SAXO1: variants seen among roughly 807,000 people sequenced by gnomAD.
SAXO1 encodes 4930500O09Rik.
SAXO1 carries 21 observed loss-of-function variants against 17.5 expected under a neutral mutation model. The ratio of observed to expected loss-of-function variants is 1.20; its 90% confidence interval spans 0.85 to 1.72. The LOEUF (loss-of-function observed/expected upper bound fraction) is 1.72, where lower values mean the gene tolerates loss of function less well. SAXO1 is among the 40% of genes most tolerant of loss of function. The pLI, the probability that SAXO1 is intolerant of heterozygous loss-of-function variation, is 0.00. For synonymous variants in SAXO1, 274 were observed against 216.5 expected, an observed-to-expected ratio of 1.27 and a Z score of -2.33; for missense variants, 843 against 596.0, an observed-to-expected ratio of 1.41 and a Z score of -4.32.
intron 1 of SAXO1, among the ~76,000 whole-genome samples, chr9:18,982,501 C>G (rs1173115093): frequency 6.6e-6 from 1 of 152,188 alleles, no homozygotes; most frequent in East Asian, 1.9e-4. Flanking sequence ...GGGACAAGAG[C>G]TGCTGCCTCC....
chr9:19,023,648 T>C (rs1322054871), intron 1 of SAXO1, among the ~76,000 whole-genome samples: 1 of 152,024 alleles, frequency 6.6e-6, no homozygotes, highest in Admixed American at 6.6e-5. Flanking sequence ...TTAAGAAAAG[T>C]GACAAGAATG....
intron 3 of SAXO1, among the ~76,000 whole-genome samples, chr9:18,930,551 G>A (rs1229493566): frequency 6.6e-6 from 1 of 151,706 alleles, no homozygotes. Flanking sequence ...CCAGGCTGGA[G>A]TGCAATGGCA....
At chr9:18,984,455 G>A (rs1833516617) in intron 1 of SAXO1, among the ~76,000 whole-genome samples, 1 of 152,218 alleles carries the variant, frequency 6.6e-6, no homozygotes, top group South Asian at 2.1e-4. Context: ...GTTTAAAATA[G>A]CTGCCTTCAC....
At chr9:19,036,485 C>T (rs78198848), upstream of SAXO1, among the ~76,000 whole-genome samples, 9,640 of 152,088 alleles carry the variant, frequency 0.063, 354 homozygotes, top group African/African-American at 0.1. Context: ...GGACCAGGGT[C>T]CCCATGCTGT....
chr9:19,028,254 T>A, intron 1 of SAXO1: 1 of 696,580 alleles, frequency 1.4e-6, no homozygotes, highest in Non-Finnish European at 2.4e-6. Context: ...CGGGCGCCTG[T>A]AATCCCAGCT....
chr9:18,998,897 G>C (rs928088680), intron 1 of SAXO1, among the ~76,000 whole-genome samples: 9 of 152,188 alleles, frequency 5.9e-5, no homozygotes, highest in African/African-American at 2.2e-4. Context: ...TTTACAGAAA[G>C]CAAATGCTGA....
At chr9:18,983,627 A>T (rs765714978) in intron 1 of SAXO1, among the ~76,000 whole-genome samples, 67 of 152,354 alleles carry the variant, frequency 4.4e-4, no homozygotes, top group Admixed American at 1.3e-3. Flanking sequence ...AGAGTGCAGT[A>T]ATTTATGTCT....
chr9:18,976,949 C>T (rs1833177662), intron 1 of SAXO1, among the ~76,000 whole-genome samples: 1 of 152,198 alleles, frequency 6.6e-6, no homozygotes, highest in Non-Finnish European at 1.5e-5. Context: ...AAGCACTTAG[C>T]ACAATGCCTG....
intron 1 of SAXO1, among the ~76,000 whole-genome samples, chr9:18,995,923 A>G (rs1221299127): frequency 4.6e-5 from 7 of 151,866 alleles, no homozygotes; most frequent in Non-Finnish European, 1.0e-4. Context: ...TACCAAAAAT[A>G]CAACAACTAG....
chr9:19,036,545 C>G (rs560951906), upstream of SAXO1, among the ~76,000 whole-genome samples: 17 of 152,308 alleles, frequency 1.1e-4, no homozygotes, highest in African/African-American at 4.1e-4. Flanking sequence ...CCAGCCATGG[C>G]TGAAAGGGGC....
chr9:19,020,273 T>C (rs1835166602), intron 1 of SAXO1, among the ~76,000 whole-genome samples: 1 of 152,118 alleles, frequency 6.6e-6, no homozygotes, highest in Non-Finnish European at 1.5e-5. Context: ...TCATCCCAAA[T>C]GTAAAACTTC....
At chr9:19,008,991 T>C (rs1206778402) in intron 1 of SAXO1, among the ~76,000 whole-genome samples, 1 of 152,214 alleles carries the variant, frequency 6.6e-6, no homozygotes, top group African/African-American at 2.4e-5. Context: ...GTCAGTTTAG[T>C]CCAAATTCAT....
At chr9:19,039,960 C>G (rs1048681611) in intron 1 of SAXO1, among the ~76,000 whole-genome samples, 1 of 152,176 alleles carries the variant, frequency 6.6e-6, no homozygotes, top group Non-Finnish European at 1.5e-5. Context: ...AACTCCTCAC[C>G]TCAGGTGATC....
chr9:18,946,385 C>T (rs1030078305), intron 2 of SAXO1, among the ~76,000 whole-genome samples: 128 of 151,066 alleles, frequency 8.5e-4, no homozygotes, highest in African/African-American at 3.0e-3. Flanking sequence ...AGACAGGAAG[C>T]CCTAAATTCT....
Position 18,957,068 on chromosome 9 carries a change from G to C in SAXO1, c.39-6131C>G, listed in dbSNP as rs1245839708. ...TACCAAGTAATTCTCTTTTCTGGCT[G>C]CTCCGATAAACCTAAGGGCAGCAAT... On this transcript the variant is annotated intron_variant, in intron 1 of 3. Transcript: ENST00000380534. 3.9e-5 allele frequency among the ~76,000 whole-genome samples: 6 copies of C among 152,172 alleles called. No individual in the cohort carries two copies. In the East Asian group the frequency reaches 1.2e-3, roughly 29 times the overall value.
Position 19,000,082 on chromosome 9 carries a change from A to T in SAXO1, c.38+32789T>A, listed in dbSNP as rs1264281698. On this transcript the variant is annotated intron_variant, in intron 1 of 3. Coordinates refer to ENST00000380534, the MANE Select transcript of SAXO1 (RefSeq NM_153707.4). ...CATCTGGGAAGTGAGGAGTGCCTCT[A>T]CCCAGCCGCCCCACCATCTGGGAAG... Among the ~76,000 whole-genome samples the T allele has an allele frequency of 4.2e-5, 4 of 95,124 alleles. No homozygotes were observed. In the East Asian group the frequency reaches 1.6e-3, roughly 38 times the overall value. The allele number at this position is 95,124 out of a possible 152,430, so 62.4% of individuals were successfully genotyped here.
At position 19,032,976 on chromosome 9, in the gene SAXO1, A is replaced by C; in HGVS notation, c.-68T>G. 2 of 1,526,832 alleles carry C rather than the reference A, an allele frequency of 1.3e-6. No individual in the cohort carries two copies. Among genetic ancestry groups the C allele is most frequent in the Non-Finnish European group, 1.8e-6 (2 of 1,129,528 alleles). 94.6% of individuals were successfully genotyped at this position (1,526,832 alleles called of 1,614,324 possible). On this transcript the variant is annotated 5_prime_UTR_variant, in exon 1 of 4. Transcript: ENST00000380534. ...AGCTGCAGCCGACTCCTAGACCCCAACCACCTGTCTTGGGGCACGCCCAGG... is the reference window on the plus strand; with the variant it reads ...AGCTGCAGCCGACTCCTAGACCCCACCCACCTGTCTTGGGGCACGCCCAGG...
chr9:18,998,601 G>C (rs1370921879), intron 1 of SAXO1, among the ~76,000 whole-genome samples: 1 of 152,106 alleles, frequency 6.6e-6, no homozygotes, highest in Non-Finnish European at 1.5e-5. Context: ...TTCAAATTCA[G>C]GAAGTACACA....
At chr9:19,020,974 A>T (rs1296089658) in intron 1 of SAXO1, among the ~76,000 whole-genome samples, 1 of 152,186 alleles carries the variant, frequency 6.6e-6, no homozygotes, top group Non-Finnish European at 1.5e-5. Flanking sequence ...CTTTATCCAC[A>T]AGATTATCTT....
Sources: gnomAD v4.1 joint callset for allele counts (sites outside exome capture counted in the v4.1 genomes callset) on GRCh38, gnomAD v4.1.1 for gene constraint, MANE v1.5 for transcripts, NCBI Gene and HGNC (gene_info 2026-07-23, HGNC 2026-07-21) for gene names.